The following NBDY variants were observed in gnomAD, a reference collection of about 807,000 sequenced individuals.
NBDY encodes the protein P-body dissociating protein.
intron 2 of NBDY, among the ~76,000 whole-genome samples, chrX:56,763,006 T>C (rs773003185): frequency 8.9e-6 from 1 of 111,904 alleles, no homozygotes; most frequent in Non-Finnish European, 1.9e-5. Flanking sequence ...TGCCTACAAT[T>C]TCTCCCACAC....
At chrX:56,791,499 T>G (rs1054734639) in intron 2 of NBDY, among the ~76,000 whole-genome samples, 2 of 111,844 alleles carry the variant, frequency 1.8e-5, no homozygotes, top group African/African-American at 6.5e-5. Flanking sequence ...GATGACATTC[T>G]CAGGGCAATG....
At chrX:56,735,344 CAT>C (rs746474688) in intron 2 of NBDY, among the ~76,000 whole-genome samples, 1 of 112,555 alleles carries the variant, frequency 8.9e-6, no homozygotes, top group Admixed American at 9.3e-5. Context: ...AATCTGGAAA[CAT>C]AGAATAGGCA....
chrX:56,806,947 G>C (rs1401148811), intron 2 of NBDY, among the ~76,000 whole-genome samples: 1 of 111,989 alleles, frequency 8.9e-6, no homozygotes, highest in Non-Finnish European at 1.9e-5. Context: ...TATGGTTTTA[G>C]GTTTTAGGTT....
At position 56,764,716 on chromosome X, in the gene NBDY, A is replaced by AG. The variant is rs1265026153; in HGVS notation, c.*166+32517_*166+32518insG. ...AAAACAAACACCAAAAAAAAAAAAA[A>AG]AAAAAAGAAACTGGCCTAGGAGCAC... is the stretch of plus-strand genomic sequence containing the variant. On this transcript the variant is annotated intron_variant, in intron 2 of 2. Transcript: ENST00000374922. Among the ~76,000 whole-genome samples, 310 of 108,155 alleles carry AG rather than the reference A, an allele frequency of 2.9e-3. 2 individuals carry two copies. The highest frequency in any genetic ancestry group is 1.0e-2 in the African/African-American group (299 of 30,030). The allele number at this position is 108,155 out of a possible 115,157, so 93.9% of individuals were successfully genotyped here.
chrX:56,797,296 C>CT (rs2069797745), intron 2 of NBDY, among the ~76,000 whole-genome samples: 1 of 107,635 alleles, frequency 9.3e-6, no homozygotes, highest in Non-Finnish European at 1.9e-5. Flanking sequence ...CCTTCTACAT[C>CT]TTTTTTTCTA....
At chrX:56,744,032 A>G (rs183967959) in intron 2 of NBDY, among the ~76,000 whole-genome samples, 41 of 111,001 alleles carry the variant, frequency 3.7e-4, no homozygotes, top group African/African-American at 1.3e-3. Context: ...ATTTGTTTCA[A>G]GAAATTTTTC....
chrX:56,798,437 C>T (rs1248789675), intron 2 of NBDY, among the ~76,000 whole-genome samples: 4 of 111,332 alleles, frequency 3.6e-5, no homozygotes, highest in Non-Finnish European at 7.5e-5. Flanking sequence ...GTCAGACTTG[C>T]ACGAGTTGCT....
chrX:56,800,640 C>T (rs1013770976), intron 2 of NBDY, among the ~76,000 whole-genome samples: 1 of 111,989 alleles, frequency 8.9e-6, no homozygotes, highest in South Asian at 3.7e-4. Flanking sequence ...TCACTCTCAA[C>T]CTCATTGCTC....
intron 2 of NBDY, among the ~76,000 whole-genome samples, chrX:56,746,029 C>T (rs1322878214): frequency 3.6e-5 from 4 of 111,387 alleles, no homozygotes; most frequent in Non-Finnish European, 5.7e-5. Context: ...TTATAATTTG[C>T]ACCATATTCC....
At chrX:56,814,537 G>C (rs1428446650) in intron 2 of NBDY, among the ~76,000 whole-genome samples, 6 of 106,659 alleles carry the variant, frequency 5.6e-5, no homozygotes, top group East Asian at 6.0e-4. Context: ...CTGTTGTCTA[G>C]GCTGGTGTGC....
chrX:56,766,699 T>G (rs1330589824), intron 2 of NBDY, among the ~76,000 whole-genome samples: 1 of 111,817 alleles, frequency 8.9e-6, no homozygotes, highest in East Asian at 2.8e-4. Context: ...CTCCTGAGAA[T>G]GAATTCGGGA....
At chrX:56,765,143 C>T (rs970704549) in intron 2 of NBDY, among the ~76,000 whole-genome samples, 1 of 111,929 alleles carries the variant, frequency 8.9e-6, no homozygotes, top group Non-Finnish European at 1.9e-5. Flanking sequence ...GCGGGGACAC[C>T]GTTAGGGAAA....
chrX:56,781,607 G>T (rs2069691350), intron 2 of NBDY, among the ~76,000 whole-genome samples: 1 of 111,800 alleles, frequency 8.9e-6, no homozygotes, highest in Non-Finnish European at 1.9e-5. Flanking sequence ...TGTACTTTTG[G>T]AGTTTTCCTC....
At chrX:56,789,201 C>G (rs920114834) in intron 2 of NBDY, among the ~76,000 whole-genome samples, 1 of 112,939 alleles carries the variant, frequency 8.9e-6, no homozygotes, top group African/African-American at 3.2e-5. Context: ...AGCAGGGATC[C>G]CCACCTACGT....
chrX:56,783,671 C>CTGTGCCTGGCAGAAGGCAAG (rs1340524224), intron 2 of NBDY, among the ~76,000 whole-genome samples: 3 of 112,674 alleles, frequency 2.7e-5, no homozygotes, highest in Admixed American at 9.3e-5. Flanking sequence ...TCGCGGATCT[C>CTGTGCCTGGCAGAAGGCAAG]TGTGCCTGGC....
chrX:56,750,025 T>C (rs890291783), intron 2 of NBDY, among the ~76,000 whole-genome samples: 5 of 111,812 alleles, frequency 4.5e-5, no homozygotes, highest in African/African-American at 1.3e-4. Context: ...ATATTATAGA[T>C]GTTTTGAAAT....
intron 2 of NBDY, among the ~76,000 whole-genome samples, chrX:56,757,898 A>G (rs1298938030): frequency 9.0e-6 from 1 of 110,901 alleles, no homozygotes; most frequent in East Asian, 2.9e-4. Flanking sequence ...GTGTGTGGGT[A>G]TTGGAGGAGG....
At chrX:56,802,033 CA>C (rs2069825840) in intron 2 of NBDY, among the ~76,000 whole-genome samples, 1 of 110,096 alleles carries the variant, frequency 9.1e-6, no homozygotes, top group Non-Finnish European at 1.9e-5. Context: ...CACACAGGCC[CA>C]GGGGTGCGGG....
At chrX:56,754,898 G>A (rs1464821688) in intron 2 of NBDY, among the ~76,000 whole-genome samples, 1 of 111,721 alleles carries the variant, frequency 9.0e-6, no homozygotes. Flanking sequence ...CAAACCAAAA[G>A]TTGATTTTTT....
Sources: gnomAD v4.1 joint callset for allele counts (sites outside exome capture counted in the v4.1 genomes callset) on GRCh38, gnomAD v4.1.1 for gene constraint, MANE v1.5 for transcripts, NCBI Gene and HGNC (gene_info 2026-07-23, HGNC 2026-07-21) for gene names.